TANC1: variants seen among roughly 807,000 people sequenced by gnomAD.
The protein encoded by TANC1 is tetratricopeptide repeat, ankyrin repeat and coiled-coil containing 1.
A neutral mutation model predicts 149.7 loss-of-function variants in TANC1; 77 were observed. The ratio of observed to expected loss-of-function variants is 0.51; its 90% CI spans 0.43 to 0.62. The LOEUF (loss-of-function observed/expected upper bound fraction) is 0.62. Ranked by LOEUF, TANC1 falls within the 20% of genes least tolerant of loss-of-function variation. TANC1 has a pLI of 0.00. For missense variants in TANC1, 1,985 were observed against 2,321.8 expected, an observed-to-expected ratio of 0.85 and a Z score of 2.98; for synonymous variants, 854 against 925.0, an observed-to-expected ratio of 0.92 and a Z score of 1.39.
chr2:159,107,442 G>A (rs2047293453), intron 4 of TANC1, among the ~76,000 whole-genome samples: 2 of 152,280 alleles, frequency 1.3e-5, no homozygotes, highest in African/African-American at 2.4e-5. Flanking sequence ...AGGTCATAAA[G>A]ATACATATCC....
At chr2:159,056,100 A>G (rs959307409) in intron 2 of TANC1, 2 of 287,092 alleles carry the variant, frequency 7.0e-6, no homozygotes, top group Non-Finnish European at 1.4e-5. Context: ...CCTCAACGGC[A>G]CATGAAAGCC....
intron 2 of TANC1, among the ~76,000 whole-genome samples, chr2:159,053,573 T>C (rs759337355): frequency 3.3e-5 from 5 of 152,236 alleles, no homozygotes; most frequent in Non-Finnish European, 5.9e-5. Context: ...TCACTAAATT[T>C]ATTAGACTGT....
At chr2:159,040,521 A>G (rs1352971958) in intron 2 of TANC1, among the ~76,000 whole-genome samples, 1 of 152,152 alleles carries the variant, frequency 6.6e-6, no homozygotes, top group East Asian at 1.9e-4. Flanking sequence ...ATCTTCAATC[A>G]CTGATTCCCT....
chr2:159,076,874 G>C (rs527615494), intron 3 of TANC1, among the ~76,000 whole-genome samples: 82 of 152,118 alleles, frequency 5.4e-4, no homozygotes, highest in African/African-American at 1.9e-3. Context: ...ATCTCACACC[G>C]AGTAAACATA....
Position 159,193,965 on chromosome 2 carries a change from C to T in TANC1, c.2743-292C>T, listed in dbSNP as rs561612321. Among the ~76,000 whole-genome samples the T allele has an allele frequency of 3.9e-5, 6 of 152,190 alleles. No individual in the cohort carries two copies. The East Asian group carries it at 9.7e-4, about 25-fold the overall frequency. The stretch of plus-strand genomic sequence containing the variant: ...CCTCAAACTCCTGGCCCCAAGCAAT[C>T]CTCCCACCTCAGCTTCCTGAGTAGC... On this transcript the variant is annotated intron_variant, in intron 16 of 26. Coordinates refer to ENST00000263635, the MANE Select transcript of TANC1 (RefSeq NM_033394.3).
intron 9 of TANC1, among the ~76,000 whole-genome samples, chr2:159,169,798 G>A (rs2054999563): frequency 6.6e-6 from 1 of 152,254 alleles, no homozygotes; most frequent in South Asian, 2.1e-4. Context: ...TTTGAGACCA[G>A]CCTGGCCAAT....
chr2:159,008,366 T>A (rs962892892), intron 2 of TANC1, among the ~76,000 whole-genome samples: 4 of 152,158 alleles, frequency 2.6e-5, no homozygotes, highest in African/African-American at 9.7e-5. Context: ...CAACAAGCTG[T>A]TGATTATTTG....
At chr2:159,129,516 C>A (rs951504666) in intron 4 of TANC1, among the ~76,000 whole-genome samples, 1 of 151,952 alleles carries the variant, frequency 6.6e-6, no homozygotes, top group Non-Finnish European at 1.5e-5. Context: ...CAGACTGACA[C>A]AGGCCCTGCT....
At chr2:158,988,453 A>G (rs2035267270) in intron 1 of TANC1, among the ~76,000 whole-genome samples, 1 of 151,992 alleles carries the variant, frequency 6.6e-6, no homozygotes, top group African/African-American at 2.4e-5. Context: ...TGGGTTCATT[A>G]ACTGCTTGCT....
rs2150934705 is a variant in TANC1, at chr2:159,219,866, C to T, written c.3677C>T (p.Thr1226Ile). ...DLAAFYGDAE[T>I]VLYLVEKGAV... ...GCTGCCTTCTATGGCGATGCCGAGA[C>T]TGTGAGTACCAGCAGGTGTTCCCCA... is the stretch of plus-strand genomic sequence containing the variant. Residue 1226 changes from threonine (T) to isoleucine (I), a missense_variant and splice_region_variant, in exon 22 of 27, where the codon ACT becomes ATT. By Grantham distance (89) the Thr-to-Ile change is moderately conservative. This residue lies in a region of TANC1 where 920 missense variants were observed against 994.7 expected (regional missense o/e 0.92). Coordinates refer to ENST00000263635, the MANE Select transcript of TANC1 (RefSeq NM_033394.3). The T allele has an allele frequency of 6.2e-7, 1 of 1,612,734 alleles. No individual in the cohort carries two copies. The highest frequency in any genetic ancestry group is 8.5e-7 in the Non-Finnish European group (1 of 1,179,972).
intron 1 of TANC1, among the ~76,000 whole-genome samples, chr2:158,991,034 G>A (rs1036444750): frequency 1.8e-4 from 27 of 148,982 alleles, no homozygotes; most frequent in Admixed American, 8.8e-4. Flanking sequence ...GGAGGTTGTG[G>A]TGAGCTGAGA....
At chr2:158,975,378 A>G (rs1372275495) in intron 1 of TANC1, among the ~76,000 whole-genome samples, 1 of 152,116 alleles carries the variant, frequency 6.6e-6, no homozygotes, top group African/African-American at 2.4e-5. Context: ...GGTAAGGTGG[A>G]TGCGTCCCCT....
At chr2:159,033,959 A>C (rs1203567477) in intron 2 of TANC1, among the ~76,000 whole-genome samples, 1 of 152,210 alleles carries the variant, frequency 6.6e-6, no homozygotes, top group African/African-American at 2.4e-5. Context: ...AAACAAAAAC[A>C]AAAACAAAAA....
intron 24 of TANC1, chr2:159,226,129 C>T (rs1053609990): frequency 1.4e-4 from 42 of 299,838 alleles, no homozygotes; most frequent in African/African-American, 8.8e-4. Context: ...GAGATTGCAC[C>T]ACTGCACTCC....
chr2:159,176,669 G>A, intron 13 of TANC1, 151 bp downstream of exon 13: 1 of 628,506 alleles, frequency 1.6e-6, no homozygotes, highest in South Asian at 2.0e-5. Flanking sequence ...AGCCAGACTT[G>A]GGTGAAACTC....
intron 5 of TANC1, among the ~76,000 whole-genome samples, chr2:159,140,686 A>ATT (rs375936311): frequency 0.044 from 4,879 of 109,712 alleles, 207 homozygotes; most frequent in Middle Eastern, 0.076. Context: ...GAGATTCTCT[A>ATT]TTTTTTTTTT....
intron 3 of TANC1, among the ~76,000 whole-genome samples, chr2:159,085,341 A>G (rs1197904788): frequency 1.2e-4 from 19 of 152,100 alleles, no homozygotes; most frequent in Admixed American, 9.8e-4. Flanking sequence ...TTTCTTTATT[A>G]ATTGCCTAGT....
intron 3 of TANC1, among the ~76,000 whole-genome samples, chr2:159,088,038 A>G (rs1391335671): frequency 6.6e-6 from 1 of 151,784 alleles, no homozygotes; most frequent in Admixed American, 6.6e-5. Context: ...GAGAGCCTTC[A>G]GAGAGATCAT....
At chr2:159,018,106 C>T (rs1574145302) in intron 2 of TANC1, among the ~76,000 whole-genome samples, 1 of 152,246 alleles carries the variant, frequency 6.6e-6, no homozygotes, top group South Asian at 2.1e-4. Flanking sequence ...GGCAGGAAGG[C>T]TTCCATTTTT....
Sources: allele counts gnomAD v4.1 joint callset (sites outside exome capture counted in the v4.1 genomes callset), GRCh38; gene constraint gnomAD v4.1.1; regional missense constraint gnomAD v4.1.1; transcripts MANE v1.5; gene names NCBI Gene and HGNC (gene_info 2026-07-23, HGNC 2026-07-21).